Variants in TIE1 observed in about 807,000 individuals in gnomAD.
TIE1 encodes the protein tyrosine-protein kinase receptor Tie-1.
In TIE1, 89 loss-of-function variants were observed where a neutral mutation model predicts 130.5. The observed-to-expected ratio is 0.68, with a 90% CI of 0.57 to 0.81. The LOEUF (loss-of-function observed/expected upper bound fraction) is 0.81, where lower values mean the gene tolerates loss of function less well. Among genes scored for constraint, TIE1 ranks in the 40% least tolerant of loss-of-function variants. TIE1 has a pLI of 0.00. For synonymous variants in TIE1, 568 were observed against 629.4 expected (o/e 0.90, Z 1.46); for missense variants, 1,392 against 1,559.8 (o/e 0.89, Z 1.81).
chr1:43,307,954 C>A lies in TIE1; in HGVS notation c.1042+30C>A. On this transcript the variant is annotated intron_variant, in intron 7 of 22. Coordinates refer to ENST00000372476, the MANE Select transcript of TIE1 (RefSeq NM_005424.5). This position sits in a 1 kb window ranked among gnomAD's most constrained non-coding sequence, Gnocchi z 5.4. ...AAGCACTATGACCTCTGAGAGCCCC[C>A]CAAGATAAGTCGGCCTTTACCAAAC... 2 of 1,610,880 alleles carry A rather than the reference C, an allele frequency of 1.2e-6. No individual in the cohort carries two copies. Among genetic ancestry groups the A allele is most frequent in the Non-Finnish European group, 1.7e-6 (2 of 1,177,408 alleles).
At chr1:43,305,856 C>G (rs1646723546) in intron 3 of TIE1, among the ~76,000 whole-genome samples, 1 of 152,186 alleles carries the variant, frequency 6.6e-6, no homozygotes, top group Non-Finnish European at 1.5e-5. Context: ...TTTGGCCACC[C>G]CATAGAAGGA....
Position 43,322,601 on chromosome 1 carries a change from C to T in TIE1, c.3346-50C>T. The T allele has an allele frequency of 1.3e-6, 2 of 1,509,714 alleles. No homozygotes were observed. The highest frequency in any genetic ancestry group is 1.8e-6 in the Non-Finnish European group (2 of 1,086,488). The allele number at this position is 1,509,714 out of a possible 1,614,324, so 93.5% of individuals were successfully genotyped here. ...CACATGGAAGTCCAGGAGCTTGAGG[C>T]CAGATGCACCCCCATTCCTGGCCCC... On this transcript the variant is annotated intron_variant, in intron 22 of 22. Transcript: ENST00000372476. This position sits in a 1 kb window ranked among gnomAD's most constrained non-coding sequence, Gnocchi z 4.0.
Position 43,307,732 on chromosome 1 carries a change from C to T in TIE1, c.914-64C>T. On this transcript the variant is annotated intron_variant, in intron 6 of 22. Transcript: ENST00000372476. The surrounding 1 kb of genome is among the most constrained non-coding windows in gnomAD (Gnocchi z 5.4). Reference sequence around the variant, plus strand: ...TGTATAACCTGTGCCCCATCTGCGCCCTCATCTGTGCCCTCATTGCCCCCT... The same window carrying T: ...TGTATAACCTGTGCCCCATCTGCGCTCTCATCTGTGCCCTCATTGCCCCCT... 2.5e-6 allele frequency: 4 copies of T among 1,607,272 alleles called. No homozygotes were observed. Among genetic ancestry groups the T allele is most frequent in the South Asian group, 1.1e-5 (1 of 90,362 alleles).
chr1:43,319,448 T>C lies in TIE1; in HGVS notation c.3037-11T>C, dbSNP rs748041755. Reference sequence around the variant, plus strand: ...CTCCACACTCAGCCCCTCAAACCCATTCTCTCCTAGGGGCGTCTCCCTGTG... The same window carrying C: ...CTCCACACTCAGCCCCTCAAACCCACTCTCTCCTAGGGGCGTCTCCCTGTG... On this transcript the variant is annotated splice_polypyrimidine_tract_variant and intron_variant, in intron 18 of 22. Coordinates refer to ENST00000372476, the MANE Select transcript of TIE1 (RefSeq NM_005424.5). This position sits in a 1 kb window ranked among gnomAD's most constrained non-coding sequence, Gnocchi z 4.7. 1 of 1,613,964 alleles carries C rather than the reference T, an allele frequency of 6.2e-7. No homozygotes were observed. Among genetic ancestry groups the C allele is most frequent in the Admixed American group, 1.7e-5 (1 of 60,012 alleles).
Position 43,315,841 on chromosome 1 carries a change from C to G in TIE1, c.2410-1358C>G, listed in dbSNP as rs116864215. ...ACATACATGGTGTCATACTCTATAT[C>G]AAGATATATCCCCCTAGCCTGGGCA... is the stretch of plus-strand genomic sequence containing the variant. On this transcript the variant is annotated intron_variant, in intron 14 of 22. Transcript: ENST00000372476. This position sits in a 1 kb window ranked among gnomAD's most constrained non-coding sequence, Gnocchi z 4.4. Among the ~76,000 whole-genome samples the G allele has an allele frequency of 1.0e-3, 159 of 152,164 alleles. No individual in the cohort carries two copies. In the East Asian group the frequency reaches 0.024, roughly 23 times the overall value.
At position 43,314,000 on chromosome 1, in the gene TIE1, C is replaced by G; in HGVS notation, c.2409+32C>G. The G allele has an allele frequency of 1.2e-6, 2 of 1,610,720 alleles. No homozygotes were observed. Among genetic ancestry groups the G allele is most frequent in the Non-Finnish European group, 1.7e-6 (2 of 1,177,218 alleles). On this transcript the variant is annotated intron_variant, in intron 14 of 22. Coordinates refer to ENST00000372476, the MANE Select transcript of TIE1 (RefSeq NM_005424.5). This position sits in a 1 kb window ranked among gnomAD's most constrained non-coding sequence, Gnocchi z 6.2. ...GACCCGCCCCGCCCCTGGGTGCATG[C>G]TTGCAGCCCGTGTTTATGTTTCTAC...
Position 43,305,226 on chromosome 1 carries a change from C to T in TIE1, c.374-7C>T. On this transcript the variant is annotated splice_polypyrimidine_tract_variant and splice_region_variant and intron_variant, in intron 2 of 22. Transcript: ENST00000372476. ...ACCAGGCCGCTGACCCACCTTCCACCCCGCAGCCCACCTGCTTCCAGACAA... is the reference window on the plus strand; with the variant it reads ...ACCAGGCCGCTGACCCACCTTCCACTCCGCAGCCCACCTGCTTCCAGACAA... 1.2e-6 allele frequency: 2 copies of T among 1,613,896 alleles called. No homozygotes were observed. Among genetic ancestry groups the T allele is most frequent in the African/African-American group, 2.7e-5 (2 of 75,026 alleles).
Position 43,318,400 on chromosome 1 carries a change from C to T in TIE1, c.2922+328C>T, listed in dbSNP as rs541788092. 4.6e-5 allele frequency among the ~76,000 whole-genome samples: 7 copies of T among 151,950 alleles called. No individual in the cohort carries two copies. The highest frequency in any genetic ancestry group is 7.4e-5 in the Non-Finnish European group (5 of 67,972). Reference sequence around the variant, plus strand: ...TGGCAATGGGCCTGGTGCGATCTGCCGGAGAGGGGGAAGGGCAGAGATCCA... The same window carrying T: ...TGGCAATGGGCCTGGTGCGATCTGCTGGAGAGGGGGAAGGGCAGAGATCCA... On this transcript the variant is annotated intron_variant, in intron 17 of 22. Transcript: ENST00000372476. This position sits in a 1 kb window ranked among gnomAD's most constrained non-coding sequence, Gnocchi z 4.4.
intron 9 of TIE1, 72 bp from the exon 10 acceptor site, chr1:43,311,599 A>G (rs1646791781): frequency 6.5e-7 from 1 of 1,533,906 alleles, no homozygotes; most frequent in Admixed American, 1.9e-5. Flanking sequence ...GAGGGTCCCC[A>G]GCTTGAAACA....
Position 43,321,645 on chromosome 1 carries a change from A to C in TIE1, c.3275A>C (p.Asp1092Ala). 1 of 1,553,458 alleles carries C rather than the reference A, an allele frequency of 6.4e-7. No homozygotes were observed. ...VYELMRQCWR[D>A]RPYERPPFAQ... ...GAGCTGATGCGTCAGTGCTGGCGGG[A>C]CCGTCCCTATGAGCGACCCCCCTTT... is the stretch of plus-strand genomic sequence containing the variant. Residue 1092 changes from aspartate (D) to alanine (A), a missense_variant, in exon 22 of 23, where the codon GAC becomes GCC. This residue lies in a region of TIE1 where 104 missense variants were observed against 129.3 expected (regional missense o/e 0.80). Coordinates refer to ENST00000372476, the MANE Select transcript of TIE1 (RefSeq NM_005424.5).
rs547275144 is a variant in TIE1, at chr1:43,312,615, G to A, written c.1927+14G>A. 3.2e-5 allele frequency: 50 copies of A among 1,579,200 alleles called. No homozygotes were observed. The highest frequency in any genetic ancestry group is 2.0e-4 in the East Asian group (9 of 44,464). ...TGCCCCCCAGTGGTATGTGCAAGGC[G>A]CAAGGATAGCTGGGGGTTGGGGGAG... On this transcript the variant is annotated intron_variant, in intron 12 of 22. Coordinates refer to ENST00000372476, the MANE Select transcript of TIE1 (RefSeq NM_005424.5). The surrounding 1 kb of genome is among the most constrained non-coding windows in gnomAD (Gnocchi z 5.6).
At position 43,317,233 on chromosome 1, in the gene TIE1, C is replaced by A; in HGVS notation, c.2444C>A (p.Thr815Asn). 1 of 1,614,116 alleles carries A rather than the reference C, an allele frequency of 6.2e-7. No individual in the cohort carries two copies. The highest frequency in any genetic ancestry group is 8.5e-7 in the Non-Finnish European group (1 of 1,180,024). Residue 815 changes from threonine (T) to asparagine (N), a missense_variant, in exon 15 of 23, where the codon ACC becomes AAC. By Grantham distance (65) the Thr-to-Asn change is moderately conservative. Around this residue, in one of 6 missense-constraint regions of TIE1, gnomAD observed 286 missense variants for 354.4 expected, o/e 0.81. Coordinates refer to ENST00000372476, the MANE Select transcript of TIE1 (RefSeq NM_005424.5). This position sits in a 1 kb window ranked among gnomAD's most constrained non-coding sequence, Gnocchi z 5.1. ...EETILQFSSG[T>N]LTLTRRPKLQ... ...ACCATCCTGCAGTTCAGCTCAGGGA[C>A]CTTGACACTTACCCGGCGGCCAAAA...
rs760506286 is a variant in TIE1, at chr1:43,313,037, CCA to C, written c.1928-95_1928-94del. The C allele has an allele frequency of 1.9e-4, 266 of 1,408,270 alleles. No individual in the cohort carries two copies. Among genetic ancestry groups the C allele is most frequent in the Middle Eastern group, 5.2e-4 (2 of 3,824 alleles). 87.2% of individuals were successfully genotyped at this position (1,408,270 alleles called of 1,614,324 possible). ...GGCAGGGTGGCCCCTGTGCTTGGAC[CCA>C]CAGAGGAGGGAGCACAGCTAGAGCA... On this transcript the variant is annotated intron_variant, in intron 12 of 22. Transcript: ENST00000372476. The surrounding 1 kb of genome is among the most constrained non-coding windows in gnomAD (Gnocchi z 6.2).
At position 43,312,453 on chromosome 1, in the gene TIE1, G is replaced by C. The variant is rs1345737107; in HGVS notation, c.1779G>C (p.Arg593=). Residue 593 remains arginine (R), a synonymous_variant, in exon 12 of 23, where the codon CGG becomes CGC. Transcript: ENST00000372476. The surrounding 1 kb of genome is among the most constrained non-coding windows in gnomAD (Gnocchi z 5.6). ...GGGACGGGACACGGGGGCAGGAGCG[G>C]CGGGAGAACGTCTCATCCCCCCAGG... ...RLWDGTRGQE[R]RENVSSPQAR... is the part of the protein sequence containing the mutation. 6.2e-7 allele frequency: 1 copy of C among 1,611,052 alleles called. No individual in the cohort carries two copies. Among genetic ancestry groups the C allele is most frequent in the Non-Finnish European group, 8.5e-7 (1 of 1,179,578 alleles).
chr1:43,317,793 C>T lies in TIE1; in HGVS notation c.2732-89C>T, dbSNP rs1646874059. ...GACCTGTGCACCACCCTTGATCCTC[C>T]TTCATCCCTGTCTGTTACCATCGGG... On this transcript the variant is annotated intron_variant, in intron 16 of 22. Transcript: ENST00000372476. This position sits in a 1 kb window ranked among gnomAD's most constrained non-coding sequence, Gnocchi z 5.1. The T allele has an allele frequency of 2.0e-6, 3 of 1,518,258 alleles. No individual in the cohort carries two copies. The highest frequency in any genetic ancestry group is 2.7e-6 in the Non-Finnish European group (3 of 1,103,276). 94.0% of individuals were successfully genotyped at this position (1,518,258 alleles called of 1,614,324 possible).
At chr1:43,321,039 A>C (rs1646912558) in intron 19 of TIE1, among the ~76,000 whole-genome samples, 2 of 147,218 alleles carry the variant, frequency 1.4e-5, no homozygotes, top group South Asian at 4.3e-4. Flanking sequence ...TCTCAAAAAA[A>C]AAAAAAAAAA....
intron 14 of TIE1, 130 bp downstream of exon 14, chr1:43,314,098 A>G: frequency 9.7e-7 from 1 of 1,032,396 alleles, no homozygotes; most frequent in East Asian, 2.6e-5. Context: ...GTATAAGATT[A>G]CACTCAACAA....
rs1399134951 is a variant in TIE1 at position 43,315,216 on chromosome 1, C to G, written c.2409+1248C>G. 1 of 152,272 alleles carries G rather than the reference C, an allele frequency of 6.6e-6. No individual in the cohort carries two copies. Among genetic ancestry groups the G allele is most frequent in the African/African-American group, 2.4e-5 (1 of 41,478 alleles). The allele number at this position is 152,272 out of a possible 1,614,324, so 9.4% of individuals were successfully genotyped here. A position where few individuals can be genotyped will look rare whatever the true frequency, so the allele number is the denominator to read the frequency against. On this transcript the variant is annotated intron_variant, in intron 14 of 22. Coordinates refer to ENST00000372476, the MANE Select transcript of TIE1 (RefSeq NM_005424.5). The surrounding 1 kb of genome is among the most constrained non-coding windows in gnomAD (Gnocchi z 4.4). ...TCGTCACTTAGGATCTGAACTCTGT[C>G]CTTGGCCTTCCAGGCCTGGACTCTT...
chr1:43,314,238 C>T, intron 14 of TIE1: 1 of 698,132 alleles, frequency 1.4e-6, no homozygotes, highest in Non-Finnish European at 2.2e-6. Flanking sequence ...CCATATTTCA[C>T]AATGGACATT....
Sources: allele counts gnomAD v4.1 joint callset (sites outside exome capture counted in the v4.1 genomes callset), GRCh38; gene constraint gnomAD v4.1.1; regional missense constraint gnomAD v4.1.1; non-coding constraint Gnocchi (gnomAD v3.1); transcripts MANE v1.5; gene names NCBI Gene and HGNC (gene_info 2026-07-23, HGNC 2026-07-21).